Variants in FRMPD2 observed in about 807,000 individuals in gnomAD.
FRMPD2 encodes FERM and PDZ domain-containing protein 2.
FRMPD2 carries 96 observed loss-of-function variants against 140.1 expected under a neutral mutation model. The ratio of observed to expected loss-of-function variants is 0.69; its 90% confidence interval spans 0.58 to 0.81. The LOEUF is 0.81. FRMPD2 is among the 40% of genes least tolerant of loss of function. The probability of loss-of-function intolerance (pLI) is 0.00; values close to 1 mark genes in which losing one functional copy is unlikely to be tolerated. For synonymous variants in FRMPD2, 449 were observed against 547.6 expected, an observed-to-expected ratio of 0.82 and a Z score of 2.52; for missense variants, 1,240 against 1,447.4, an observed-to-expected ratio of 0.86 and a Z score of 2.32.
chr10:48,174,572 C>T (rs1189835539), intron 24 of FRMPD2, among the ~76,000 whole-genome samples: 1 of 151,306 alleles, frequency 6.6e-6, no homozygotes, highest in Non-Finnish European at 1.5e-5. Flanking sequence ...TCTCTTCACT[C>T]CATCTTCTCC....
At chr10:48,271,386 T>A (rs539968969) in intron 1 of FRMPD2, among the ~76,000 whole-genome samples, 12 of 152,356 alleles carry the variant, frequency 7.9e-5, no homozygotes, top group Admixed American at 2.0e-4. Context: ...GGCACTTTTT[T>A]AAAATGTCTA....
intron 20 of FRMPD2, among the ~76,000 whole-genome samples, chr10:48,181,865 A>G (rs1331264010): frequency 1.5e-5 from 1 of 64,700 alleles, no homozygotes; most frequent in South Asian, 5.1e-4. Context: ...CCTCATATAT[A>G]TATATATATA....
intron 12 of FRMPD2, among the ~76,000 whole-genome samples, chr10:48,220,007 A>G (rs1238006204): frequency 6.6e-6 from 1 of 152,208 alleles, no homozygotes; most frequent in Non-Finnish European, 1.5e-5. Flanking sequence ...CAACTCTATG[A>G]TATTATCACA....
intron 1 of FRMPD2, among the ~76,000 whole-genome samples, chr10:48,255,669 AG>A (rs1485817316): frequency 6.6e-6 from 1 of 152,230 alleles, no homozygotes; most frequent in East Asian, 1.9e-4. Context: ...AAGTAAGAAT[AG>A]GCAATGCATG....
At chr10:48,163,159 A>C (rs1837989018) in intron 28 of FRMPD2, among the ~76,000 whole-genome samples, 169 bp downstream of exon 28, 1 of 105,288 alleles carries the variant, frequency 9.5e-6, no homozygotes, top group Admixed American at 9.0e-5. Flanking sequence ...ACAGGTGGTC[A>C]CAGCAGCACC....
At chr10:48,274,729 G>A (rs1411553528), upstream of FRMPD2, 2 of 661,938 alleles carry the variant, frequency 3.0e-6, no homozygotes, top group Admixed American at 5.1e-5. Context: ...CCCAGCGAGT[G>A]AGTCAACAAG....
chr10:48,220,974 CTT>C (rs1839572723), intron 12 of FRMPD2, among the ~76,000 whole-genome samples: 1 of 152,148 alleles, frequency 6.6e-6, no homozygotes, highest in Non-Finnish European at 1.5e-5. Flanking sequence ...AAAGGGAACA[CTT>C]TTATACTGCT....
chr10:48,225,738 A>G (rs1004895185), intron 10 of FRMPD2, among the ~76,000 whole-genome samples: 4 of 152,202 alleles, frequency 2.6e-5, no homozygotes, highest in East Asian at 1.9e-4. Flanking sequence ...CAAAAATGAC[A>G]AGCCTTTTCC....
At chr10:48,192,075 T>G (rs1283154514) in intron 16 of FRMPD2, among the ~76,000 whole-genome samples, 1 of 152,210 alleles carries the variant, frequency 6.6e-6, no homozygotes, top group Admixed American at 6.5e-5. Context: ...AATAGGCTTA[T>G]TGCAACTTGT....
intron 1 of FRMPD2, 109 bp from the exon 2 acceptor site, chr10:48,251,800 A>C: frequency 7.6e-7 from 1 of 1,312,156 alleles, no homozygotes; most frequent in South Asian, 1.3e-5. Context: ...ACTACTGCAC[A>C]CCGGCACTGT....
At chr10:48,190,067 G>C (rs948447391) in intron 16 of FRMPD2, among the ~76,000 whole-genome samples, 6 of 152,202 alleles carry the variant, frequency 3.9e-5, no homozygotes, top group Admixed American at 3.9e-4. Flanking sequence ...TGCGGGGCTT[G>C]ATCCAGAACC....
chr10:48,240,274 A>G (rs1840073810), intron 6 of FRMPD2, 86 bp downstream of exon 6: 20 of 1,436,236 alleles, frequency 1.4e-5, no homozygotes, highest in Non-Finnish European at 1.8e-5. Flanking sequence ...TGCCATCACA[A>G]TGTGGATGTG....
intron 16 of FRMPD2, among the ~76,000 whole-genome samples, chr10:48,190,790 C>A (rs1465951220): frequency 1.3e-5 from 2 of 152,188 alleles, no homozygotes; most frequent in Admixed American, 6.5e-5. Context: ...ATCAAGAAGG[C>A]CAGCAACCAT....
intron 1 of FRMPD2, among the ~76,000 whole-genome samples, chr10:48,270,170 C>T (rs970729406): frequency 6.6e-6 from 1 of 152,154 alleles, no homozygotes; most frequent in Non-Finnish European, 1.5e-5. Flanking sequence ...GAAAAACTGT[C>T]CACTCCTGCC....
At chr10:48,218,280 T>C (rs924655835) in intron 12 of FRMPD2, among the ~76,000 whole-genome samples, 23 of 152,336 alleles carry the variant, frequency 1.5e-4, no homozygotes, top group Admixed American at 1.2e-3. Flanking sequence ...CATATGAATT[T>C]TGGGGCTCAA....
chr10:48,233,882 G>A (rs1351629017), intron 9 of FRMPD2, among the ~76,000 whole-genome samples: 1 of 152,126 alleles, frequency 6.6e-6, no homozygotes, highest in Non-Finnish European at 1.5e-5. Flanking sequence ...GCTGGTGGAG[G>A]AAAGGTCCCA....
chr10:48,201,155 T>C, intron 15 of FRMPD2, 73 bp downstream of exon 15: 1 of 1,184,520 alleles, frequency 8.4e-7, no homozygotes, highest in South Asian at 1.9e-5. Context: ...ATCAATTGTA[T>C]CTATTTATAC....
chr10:48,206,690 G>A (rs993437826), intron 14 of FRMPD2, 58 bp downstream of exon 14: 16 of 1,447,108 alleles, frequency 1.1e-5, no homozygotes, highest in East Asian at 6.8e-5. Context: ...TCCTTTAAAC[G>A]GCCAACAAAT....
chr10:48,199,288 A>C (rs535660788), intron 15 of FRMPD2, among the ~76,000 whole-genome samples: 1 of 151,198 alleles, frequency 6.6e-6, no homozygotes, highest in African/African-American at 2.4e-5. Flanking sequence ...AAAAAAAAAA[A>C]CCCTACTCTA....
Sources: allele counts gnomAD v4.1 joint callset (sites outside exome capture counted in the v4.1 genomes callset), GRCh38; gene constraint gnomAD v4.1.1; transcripts MANE v1.5; gene names NCBI Gene and HGNC (gene_info 2026-07-23, HGNC 2026-07-21).